The following MYOC variants were observed in gnomAD, a reference collection of about 807,000 sequenced individuals.
MYOC encodes the protein myocilin, also known as juvenile-onset open-angle glaucoma 1.
A neutral mutation model predicts 28.2 loss-of-function variants in MYOC; 29 were observed. The observed-to-expected ratio is 1.03, with a 90% CI of 0.77 to 1.40. The LOEUF (loss-of-function observed/expected upper bound fraction) is 1.40, where lower values mean the gene tolerates loss of function less well. Among genes scored for constraint, MYOC ranks in the 40% most tolerant of loss-of-function variants. The probability of loss-of-function intolerance (pLI) is 0.00; values close to 1 mark genes in which losing one functional copy is unlikely to be tolerated. For missense variants in MYOC, 569 were observed against 620.6 expected (o/e 0.92, Z 0.88); for synonymous variants, 240 against 245.6 (o/e 0.98, Z 0.21).
intron 1 of MYOC, among the ~76,000 whole-genome samples, chr1:171,641,408 A>G (rs1653075055): frequency 6.6e-6 from 1 of 151,882 alleles, no homozygotes. Flanking sequence ...AGGATTGGGG[A>G]GTTTGAATAA....
chr1:171,652,554 G>A lies in MYOC; in HGVS notation c.58C>T (p.Leu20=). 1 of 1,614,222 alleles carries A rather than the reference G, an allele frequency of 6.2e-7. No individual in the cohort carries two copies. ...SFGPEMPAVQ[L]LLLACLVWDV... ...CACACCAGGCAGGCCAGAAGCAGCA[G>A]CTGGACAGCTGGCATCTCAGGCCCA... The change falls in exon 1 of 3, where the codon CTG becomes TTG. Residue 20 remains leucine, a synonymous_variant. Transcript: ENST00000037502.
intron 2 of MYOC, among the ~76,000 whole-genome samples, chr1:171,638,367 G>A (rs1387658621): frequency 6.6e-6 from 1 of 152,002 alleles, no homozygotes; most frequent in Non-Finnish European, 1.5e-5. Context: ...AAGTGTGGGT[G>A]ATAGGATAGA....
In MYOC at chr1:171,652,348, G is replaced by A. The variant is rs1653376681; in HGVS notation, c.264C>T (p.Thr88=). The change falls in exon 1 of 3, where the codon ACC becomes ACT. Residue 88 remains threonine (T), a synonymous_variant. Transcript: ENST00000037502. ...TCTCCAGGGAGCTGAGTCGAGCTTTGGTGGCCTCCAGGTCTAAGCGTTGGG... is the reference window on the plus strand; with the variant it reads ...TCTCCAGGGAGCTGAGTCGAGCTTTAGTGGCCTCCAGGTCTAAGCGTTGGG... The part of the protein sequence containing the change: ...SSTQRLDLEA[T]KARLSSLESL... 9 of 1,610,192 alleles carry A rather than the reference G, an allele frequency of 5.6e-6. No individual in the cohort carries two copies. The East Asian group carries it at 1.8e-4, about 32-fold the overall frequency.
At chr1:171,643,278 A>G (rs1365447866) in intron 1 of MYOC, 2 of 152,292 alleles carry the variant, frequency 1.3e-5, no homozygotes, top group African/African-American at 4.8e-5. Flanking sequence ...GGTGCTGCCT[A>G]TGGGGGAGAG....
chr1:171,652,288 G>T lies in MYOC; in HGVS notation c.324C>A (p.Ala108=), dbSNP rs1653374749. The change falls in exon 1 of 3, where the codon GCC becomes GCA. Residue 108 remains alanine, a synonymous_variant. Coordinates refer to ENST00000037502, the MANE Select transcript of MYOC (RefSeq NM_000261.2). ...LLHQLTLDQA[A]RPQETQEGLQ... ...GCCCCTCCTGGGTCTCCTGGGGCCT[G>T]GCAGCCTGGTCCAAGGTCAATTGGT... 1.1e-5 allele frequency: 18 copies of T among 1,612,946 alleles called. No homozygotes were observed. The highest frequency in any genetic ancestry group is 1.5e-5 in the Non-Finnish European group (18 of 1,179,348).
intron 1 of MYOC, 147 bp from the exon 2 acceptor site, chr1:171,638,869 G>A (rs569308310): frequency 2.0e-5 from 16 of 787,936 alleles, no homozygotes; most frequent in Non-Finnish European, 2.5e-5. Flanking sequence ...CGAGGCAGGC[G>A]GATCACCTGA....
At chr1:171,650,710 T>C (rs1653333215) in intron 1 of MYOC, among the ~76,000 whole-genome samples, 1 of 152,234 alleles carries the variant, frequency 6.6e-6, no homozygotes, top group Non-Finnish European at 1.5e-5. Context: ...TTTTCAAGCC[T>C]ATAGAAAAAC....
At chr1:171,641,715 C>A (rs909087818) in intron 1 of MYOC, among the ~76,000 whole-genome samples, 1 of 152,218 alleles carries the variant, frequency 6.6e-6, no homozygotes, top group Admixed American at 6.5e-5. Flanking sequence ...TCTTGCTGAA[C>A]CTCTGAGTCA....
intron 1 of MYOC, among the ~76,000 whole-genome samples, chr1:171,645,522 C>G (rs766407587): frequency 6.6e-6 from 1 of 152,236 alleles, no homozygotes; most frequent in African/African-American, 2.4e-5. Flanking sequence ...TCCCTCAGCC[C>G]TAGGTGCCTA....
intron 1 of MYOC, among the ~76,000 whole-genome samples, chr1:171,648,926 A>T (rs1300622773): frequency 1.3e-5 from 2 of 150,938 alleles, no homozygotes; most frequent in Admixed American, 6.6e-5. Flanking sequence ...ACCTCAAGTG[A>T]TCTGTCCACC....
chr1:171,644,947 C>T (rs1653166052), intron 1 of MYOC, among the ~76,000 whole-genome samples: 1 of 152,114 alleles, frequency 6.6e-6, no homozygotes, highest in African/African-American at 2.4e-5. Context: ...CCATGTCTTC[C>T]GAGGCCATGG....
chr1:171,648,625 G>A (rs7547721), intron 1 of MYOC, among the ~76,000 whole-genome samples: 13,277 of 147,156 alleles, frequency 0.09, 631 homozygotes, highest in East Asian at 0.21. Flanking sequence ...AATTATATAT[G>A]TATTTTATTA....
At chr1:171,647,406 C>T (rs1653230708) in intron 1 of MYOC, among the ~76,000 whole-genome samples, 1 of 152,132 alleles carries the variant, frequency 6.6e-6, no homozygotes, top group African/African-American at 2.4e-5. Flanking sequence ...TGCCTGTAAT[C>T]CCAGCTACTT....
At chr1:171,642,176 C>T (rs1653090454) in intron 1 of MYOC, among the ~76,000 whole-genome samples, 1 of 152,236 alleles carries the variant, frequency 6.6e-6, no homozygotes. Flanking sequence ...CCCCTGATCC[C>T]AGCTACCCTT....
chr1:171,637,438 T>C (rs1404699237), intron 2 of MYOC, among the ~76,000 whole-genome samples: 1 of 152,104 alleles, frequency 6.6e-6, no homozygotes, highest in Non-Finnish European at 1.5e-5. Flanking sequence ...GCAATCACAG[T>C]GCACTGCAGC....
At position 171,652,498 on chromosome 1, in the gene MYOC, C is replaced by T. The variant is rs767644139; in HGVS notation, c.114G>A (p.Arg38=). The change falls in exon 1 of 3, where the codon AGG becomes AGA. Residue 38 remains arginine, a synonymous_variant. Coordinates refer to ENST00000037502, the MANE Select transcript of MYOC (RefSeq NM_000261.2). ...WDVGARTAQL[R]KANDQSGRCQ... ...ATCGGCCACTCTGGTCATTGGCCTT[C>T]CTGAGCTGAGCTGTCCTGGCCCCCA... 55 of 1,614,100 alleles carry T rather than the reference C, an allele frequency of 3.4e-5. No homozygotes were observed. Among genetic ancestry groups the T allele is most frequent in the Non-Finnish European group, 5.9e-6 (7 of 1,180,040 alleles).
chr1:171,639,690 A>G (rs973735006), intron 1 of MYOC, among the ~76,000 whole-genome samples: 3 of 149,762 alleles, frequency 2.0e-5, no homozygotes, highest in African/African-American at 4.9e-5. Context: ...AGTGGCTCAC[A>G]CTGAAATCCC....
chr1:171,637,078 G>A (rs1652940556), intron 2 of MYOC, among the ~76,000 whole-genome samples: 1 of 152,194 alleles, frequency 6.6e-6, no homozygotes, highest in Non-Finnish European at 1.5e-5. Flanking sequence ...TGAGGGGCAT[G>A]CATGGGAGTG....
intron 2 of MYOC, among the ~76,000 whole-genome samples, chr1:171,636,925 G>T (rs1652937734): frequency 6.6e-6 from 1 of 152,180 alleles, no homozygotes; most frequent in South Asian, 2.1e-4. Flanking sequence ...TGTAAAAGGG[G>T]ATACTAATAG....
Sources: allele counts gnomAD v4.1 joint callset (sites outside exome capture counted in the v4.1 genomes callset), GRCh38; gene constraint gnomAD v4.1.1; transcripts MANE v1.5; gene names NCBI Gene and HGNC (gene_info 2026-07-23, HGNC 2026-07-21).